The following KANSL1L variants were observed in gnomAD, a reference collection of about 807,000 sequenced individuals.
KANSL1L encodes KAT8 regulatory NSL complex subunit 1 like.
KANSL1L carries 25 observed loss-of-function variants against 108.6 expected under a neutral mutation model. The ratio of observed to expected loss-of-function variants is 0.23; its 90% CI spans 0.17 to 0.32. The LOEUF is 0.32. KANSL1L is among the 10% of genes least tolerant of loss of function. The pLI, the probability that KANSL1L is intolerant of heterozygous loss-of-function variation, is 1.00. For synonymous variants in KANSL1L, 405 were observed against 395.1 expected (o/e 1.03, Z -0.30); for missense variants, 1,137 against 1,125.7 (o/e 1.01, Z -0.14).
chr2:210,024,292 A>T, intron 13 of KANSL1L, 91 bp from the exon 14 acceptor site: 1 of 960,674 alleles, frequency 1.0e-6, no homozygotes, highest in Non-Finnish European at 1.5e-6. Flanking sequence ...GAGTCAAGTT[A>T]ACTTGGTAAC....
At chr2:210,169,814 GATTAATTC>G (rs773662318) in intron 1 of KANSL1L, among the ~76,000 whole-genome samples, 1 of 152,170 alleles carries the variant, frequency 6.6e-6, no homozygotes, top group Non-Finnish European at 1.5e-5. Context: ...TCTATTTCAT[GATTAATTC>G]ATTGTTTATA....
chr2:210,050,945 A>G (rs890221657), intron 6 of KANSL1L, among the ~76,000 whole-genome samples: 9 of 152,044 alleles, frequency 5.9e-5, no homozygotes, highest in Non-Finnish European at 1.2e-4. Context: ...GGGTTTCCCC[A>G]TGTTTCCCAG....
chr2:210,137,483 C>T (rs757710823), intron 2 of KANSL1L, among the ~76,000 whole-genome samples: 7 of 152,190 alleles, frequency 4.6e-5, no homozygotes, highest in South Asian at 2.1e-4. Context: ...ATGCCAAATA[C>T]GTCACAAATT....
At chr2:210,081,317 T>C (rs928346410) in intron 5 of KANSL1L, among the ~76,000 whole-genome samples, 3 of 152,214 alleles carry the variant, frequency 2.0e-5, no homozygotes, top group Non-Finnish European at 4.4e-5. Flanking sequence ...GTATAAGATC[T>C]ACATGTTATT....
intron 3 of KANSL1L, among the ~76,000 whole-genome samples, chr2:210,113,365 C>T (rs1439719510): frequency 1.3e-5 from 2 of 151,986 alleles, no homozygotes; most frequent in East Asian, 3.9e-4. Context: ...AAGATTTTAA[C>T]TATACACTTC....
At position 210,044,588 on chromosome 2, in the gene KANSL1L, T is replaced by C. The variant is rs2094203160; in HGVS notation, c.1756-484A>G. 6.6e-6 allele frequency among the ~76,000 whole-genome samples: 1 copy of C among 151,962 alleles called. No homozygotes were observed. The highest frequency in any genetic ancestry group is 2.4e-5 in the African/African-American group (1 of 41,362). ...TAAGAATGATATGGATTGCAGGGTTTGTTTTTTTTTGGGGGGGGTATGGTT... is the reference window on the plus strand; with the variant it reads ...TAAGAATGATATGGATTGCAGGGTTCGTTTTTTTTTGGGGGGGGTATGGTT... On this transcript the variant is annotated intron_variant, in intron 6 of 14. Transcript: ENST00000281772. The surrounding 1 kb of genome is among the most constrained non-coding windows in gnomAD (Gnocchi z 4.2).
chr2:210,098,423 T>C (rs1001949955), intron 4 of KANSL1L, among the ~76,000 whole-genome samples: 3 of 152,210 alleles, frequency 2.0e-5, no homozygotes, highest in Non-Finnish European at 4.4e-5. Flanking sequence ...TATCCTTTTT[T>C]TATTATTGTT....
chr2:210,058,603 G>T (rs372399090), intron 6 of KANSL1L, among the ~76,000 whole-genome samples: 1 of 152,088 alleles, frequency 6.6e-6, no homozygotes, highest in Non-Finnish European at 1.5e-5. Context: ...GGAGGCTGAG[G>T]CAGGTGGATC....
At chr2:210,038,873 G>A (rs1323643925) in intron 8 of KANSL1L, among the ~76,000 whole-genome samples, 1 of 151,860 alleles carries the variant, frequency 6.6e-6, no homozygotes, top group African/African-American at 2.4e-5. Context: ...CTACCTTATA[G>A]AATTATACAG....
chr2:210,038,754 C>T (rs1407187504), intron 8 of KANSL1L, among the ~76,000 whole-genome samples: 1 of 151,762 alleles, frequency 6.6e-6, no homozygotes, highest in Non-Finnish European at 1.5e-5. Flanking sequence ...ACAAAGGAAA[C>T]TTAGTTATAT....
At position 210,093,854 on chromosome 2, in the gene KANSL1L, T is replaced by G. The variant is rs141007456; in HGVS notation, c.1550+4232A>C. Reference sequence around the variant, plus strand: ...AAATATCTATCCACAGATCAAATGTTGTCTATATAAAAATAGAATATTATT... The same window carrying G: ...AAATATCTATCCACAGATCAAATGTGGTCTATATAAAAATAGAATATTATT... On this transcript the variant is annotated intron_variant, in intron 5 of 14. Coordinates refer to ENST00000281772, the MANE Select transcript of KANSL1L (RefSeq NM_152519.4). 4.8e-3 allele frequency among the ~76,000 whole-genome samples: 734 copies of G among 152,276 alleles called. 4 individuals carry two copies. Among genetic ancestry groups the G allele is most frequent in the African/African-American group, 0.017 (694 of 41,572 alleles).
chr2:210,070,917 T>C (rs1365638718), intron 6 of KANSL1L, among the ~76,000 whole-genome samples: 4 of 152,140 alleles, frequency 2.6e-5, no homozygotes, highest in African/African-American at 7.2e-5. Flanking sequence ...CCCAGCACTT[T>C]GGGAGGCTGA....
intron 3 of KANSL1L, among the ~76,000 whole-genome samples, chr2:210,114,955 T>C (rs1164357622): frequency 1.4e-5 from 2 of 146,918 alleles, no homozygotes; most frequent in South Asian, 2.3e-4. Flanking sequence ...TAAAAGGAAA[T>C]GAGAAAGAAA....
chr2:210,057,280 C>T (rs1247144940), intron 6 of KANSL1L, among the ~76,000 whole-genome samples: 1 of 152,070 alleles, frequency 6.6e-6, no homozygotes, highest in Non-Finnish European at 1.5e-5. Context: ...GACTTGCCTG[C>T]AATCCCAGCT....
Position 210,044,176 on chromosome 2 carries a change from G to T in KANSL1L, c.1756-72C>A. On this transcript the variant is annotated intron_variant, in intron 6 of 14. Transcript: ENST00000281772. The surrounding 1 kb of genome is among the most constrained non-coding windows in gnomAD (Gnocchi z 4.2). Reference sequence around the variant, plus strand: ...AATGGCATATCTCTACATTTATTTAGGTTATCTTTAAATAAAATTTTCCAG... The same window carrying T: ...AATGGCATATCTCTACATTTATTTATGTTATCTTTAAATAAAATTTTCCAG... 1.9e-6 allele frequency: 2 copies of T among 1,041,312 alleles called. No homozygotes were observed. Among genetic ancestry groups the T allele is most frequent in the Non-Finnish European group, 2.6e-6 (2 of 766,776 alleles). The allele number at this position is 1,041,312 out of a possible 1,614,324, so 64.5% of individuals were successfully genotyped here. A position where few individuals can be genotyped will look rare whatever the true frequency, so the allele number is the denominator to read the frequency against.
chr2:210,055,544 T>C (rs1239235263), intron 6 of KANSL1L, among the ~76,000 whole-genome samples: 1 of 152,190 alleles, frequency 6.6e-6, no homozygotes, highest in Non-Finnish European at 1.5e-5. Context: ...GTGGGAAAGT[T>C]TGGAACTTCC....
At chr2:210,038,571 A>T (rs937700088) in intron 8 of KANSL1L, among the ~76,000 whole-genome samples, 3 of 151,944 alleles carry the variant, frequency 2.0e-5, no homozygotes, top group African/African-American at 7.2e-5. Flanking sequence ...CATCAAGTAC[A>T]CTTACTTTTT....
At chr2:210,104,579 C>T (rs936508161) in intron 3 of KANSL1L, among the ~76,000 whole-genome samples, 4 of 151,926 alleles carry the variant, frequency 2.6e-5, no homozygotes, top group Admixed American at 1.3e-4. Context: ...AAAAGCATGA[C>T]ATATTAAAAT....
At chr2:210,070,194 T>G in intron 6 of KANSL1L, among the ~76,000 whole-genome samples, 1 of 149,906 alleles carries the variant, frequency 6.7e-6, no homozygotes, top group Non-Finnish European at 1.5e-5. Context: ...TCATATAGCC[T>G]TCTCTGTGTC....
Sources: allele counts gnomAD v4.1 joint callset (sites outside exome capture counted in the v4.1 genomes callset), GRCh38; gene constraint gnomAD v4.1.1; non-coding constraint Gnocchi (gnomAD v3.1); transcripts MANE v1.5; gene names NCBI Gene and HGNC (gene_info 2026-07-23, HGNC 2026-07-21).